The following RNF24 variants were observed in gnomAD, a reference collection of about 807,000 sequenced individuals.
The protein encoded by RNF24 is ring finger protein 24.
A neutral mutation model predicts 20.0 loss-of-function variants in RNF24; 14 were observed. That is an observed-to-expected ratio of 0.70 (90% CI 0.46 to 1.10). The LOEUF is 1.10. Ranked by LOEUF, RNF24 falls within the 50% of genes least tolerant of loss-of-function variation. RNF24 has a pLI of 0.00. For synonymous variants in RNF24, 45 were observed against 61.1 expected (o/e 0.74, Z 1.23); for missense variants, 124 against 177.6 (o/e 0.70, Z 1.71).
chr20:4,006,546 T>C (rs547011395), intron 1 of RNF24, among the ~76,000 whole-genome samples: 1 of 152,250 alleles, frequency 6.6e-6, no homozygotes, highest in African/African-American at 2.4e-5. Flanking sequence ...AACCTGGAAG[T>C]TACTTACAAT....
At chr20:3,965,651 T>C (rs2091249726) in intron 1 of RNF24, among the ~76,000 whole-genome samples, 2 of 152,212 alleles carry the variant, frequency 1.3e-5, no homozygotes, top group Admixed American at 1.3e-4. Flanking sequence ...CAAATATACA[T>C]AGCACATACG....
chr20:3,994,520 T>C (rs1980708558), intron 1 of RNF24, among the ~76,000 whole-genome samples: 1 of 152,232 alleles, frequency 6.6e-6, no homozygotes, highest in South Asian at 2.1e-4. Context: ...AATTAATAAC[T>C]AAATTCAAGT....
At position 3,936,962 on chromosome 20, in the gene RNF24, G is replaced by A. The variant is rs6052179; in HGVS notation, c.229-1889C>T. Reference sequence around the variant, plus strand: ...AGTGAGTCTCCTGCCTCAGACTCCCGAATAGCTGGGACTACAGGTGCATGC... The same window carrying A: ...AGTGAGTCTCCTGCCTCAGACTCCCAAATAGCTGGGACTACAGGTGCATGC... On this transcript the variant is annotated intron_variant, in intron 4 of 5. Coordinates refer to ENST00000358395, the MANE Select transcript of RNF24 (RefSeq NM_001134337.3). 5.3e-4 allele frequency among the ~76,000 whole-genome samples: 80 copies of A among 152,116 alleles called. 2 individuals are homozygous for A. Among genetic ancestry groups the A allele is most frequent in the African/African-American group, 1.9e-3 (78 of 41,492 alleles).
chr20:3,956,640 T>C (rs1302121850), intron 2 of RNF24, among the ~76,000 whole-genome samples: 5 of 152,056 alleles, frequency 3.3e-5, no homozygotes, highest in Non-Finnish European at 7.4e-5. Context: ...TTCCTTTTAT[T>C]TTTTCTTGGG....
At chr20:3,987,433 C>T (rs765049594) in intron 1 of RNF24, among the ~76,000 whole-genome samples, 7 of 152,114 alleles carry the variant, frequency 4.6e-5, no homozygotes, top group Non-Finnish European at 8.8e-5. Flanking sequence ...TGAGGAAAAT[C>T]AAAACGCAAC....
At chr20:3,983,548 A>G (rs1979611921) in intron 1 of RNF24, among the ~76,000 whole-genome samples, 1 of 152,144 alleles carries the variant, frequency 6.6e-6, no homozygotes, top group Admixed American at 6.5e-5. Flanking sequence ...AGCAGTGAGC[A>G]CTCCAAGAAA....
At chr20:3,968,923 A>G (rs534678379) in intron 1 of RNF24, among the ~76,000 whole-genome samples, 3 of 152,216 alleles carry the variant, frequency 2.0e-5, no homozygotes, top group East Asian at 3.9e-4. Context: ...AAAAGTTGTT[A>G]TAATGGAAAG....
intron 2 of RNF24, among the ~76,000 whole-genome samples, chr20:3,953,622 G>A (rs1015163235): frequency 6.6e-6 from 1 of 151,720 alleles, no homozygotes; most frequent in Non-Finnish European, 1.5e-5. Flanking sequence ...ATGCCACCAC[G>A]CCCGGCTAAT....
intron 1 of RNF24, among the ~76,000 whole-genome samples, chr20:3,964,700 T>A (rs1237645369): frequency 3.3e-5 from 5 of 152,082 alleles, no homozygotes; most frequent in African/African-American, 7.2e-5. Flanking sequence ...TTTTTAAAAA[T>A]TTTTTTGTAG....
chr20:3,941,346 A>C (rs1411204243), intron 4 of RNF24, among the ~76,000 whole-genome samples: 1 of 152,222 alleles, frequency 6.6e-6, no homozygotes, highest in East Asian at 1.9e-4. Flanking sequence ...ATATAGACGT[A>C]ATATGATAGA....
chr20:3,990,026 AAG>A lies in RNF24; in HGVS notation c.-8+25409_-8+25410del, dbSNP rs751106005. On this transcript the variant is annotated intron_variant, in intron 1 of 5. Transcript: ENST00000358395. ...AAGCTGACATTTCCCATTAGAGAGA[AAG>A]AGAGAGAGATGGATTATTCACAAAT... Among the ~76,000 whole-genome samples the A allele has an allele frequency of 2.6e-5, 4 of 152,252 alleles. No homozygotes were observed. In the East Asian group the frequency reaches 5.8e-4, roughly 22 times the overall value.
rs144776489 is a variant in RNF24, at chr20:3,935,031, A to G, written c.271T>C (p.Leu91=). ...GCGTGCTTACATGGGCAAATCCCCA[A>G]CTCATCTCGAGGCTTGAAGTCTTCT... The part of the protein sequence containing the change: ...CLEDFKPRDE[L]GICPCKHAFH... The change falls in exon 5 of 6, where the codon TTG becomes CTG. Residue 91 remains leucine (L), a synonymous_variant. Transcript: ENST00000358395. The G allele has an allele frequency of 2.1e-4, 331 of 1,613,976 alleles. No individual in the cohort carries two copies. The African/African-American group carries it at 3.9e-3, about 19-fold the overall frequency.
intron 1 of RNF24, among the ~76,000 whole-genome samples, chr20:3,998,367 G>C (rs1238559216): frequency 6.6e-6 from 1 of 151,938 alleles, no homozygotes. Context: ...CTGAGGTCAC[G>C]AGTTTGAGAC....
intron 4 of RNF24, among the ~76,000 whole-genome samples, chr20:3,942,125 C>A (rs73086512): frequency 0.12 from 18,435 of 150,278 alleles, 1,440 homozygotes; most frequent in Non-Finnish European, 0.17. Context: ...ACATACCATG[C>A]AAACAATCAA....
At chr20:3,988,873 G>T (rs567795575) in intron 1 of RNF24, among the ~76,000 whole-genome samples, 2 of 152,124 alleles carry the variant, frequency 1.3e-5, no homozygotes, top group Non-Finnish European at 2.9e-5. Flanking sequence ...AAATTAAAAT[G>T]ATTATTTGCA....
At chr20:3,999,088 A>G (rs1247605851) in intron 1 of RNF24, among the ~76,000 whole-genome samples, 1 of 152,214 alleles carries the variant, frequency 6.6e-6, no homozygotes, top group Middle Eastern at 3.2e-3. Context: ...TCAAAAAACA[A>G]AACAAAACAA....
intron 4 of RNF24, among the ~76,000 whole-genome samples, chr20:3,937,986 G>T (rs965932340): frequency 6.6e-6 from 1 of 152,172 alleles, no homozygotes; most frequent in Non-Finnish European, 1.5e-5. Flanking sequence ...GAGTGGAATT[G>T]CTGGGTCATA....
intron 2 of RNF24, among the ~76,000 whole-genome samples, chr20:3,948,515 CGACA>C (rs1568622226): frequency 6.6e-6 from 1 of 151,740 alleles, no homozygotes; most frequent in Non-Finnish European, 1.5e-5. Context: ...CTTTTTATAC[CGACA>C]GTCTACTTAT....
chr20:3,983,295 T>G (rs1979586327), intron 1 of RNF24, among the ~76,000 whole-genome samples: 1 of 152,222 alleles, frequency 6.6e-6, no homozygotes, highest in African/African-American at 2.4e-5. Flanking sequence ...TATAGCTTAT[T>G]CATACAGGTT....
Sources: allele counts gnomAD v4.1 joint callset (sites outside exome capture counted in the v4.1 genomes callset), GRCh38; gene constraint gnomAD v4.1.1; transcripts MANE v1.5; gene names NCBI Gene and HGNC (gene_info 2026-07-23, HGNC 2026-07-21).